The following NCALD variants were observed in gnomAD, a reference collection of about 807,000 sequenced individuals.
NCALD encodes the protein neurocalcin delta.
NCALD carries 10 observed loss-of-function variants against 18.6 expected under a neutral mutation model. The ratio of observed to expected loss-of-function variants is 0.54; its 90% CI spans 0.33 to 0.91. NCALD has a LOEUF of 0.91. Ranked by LOEUF, NCALD falls within the 40% of genes least tolerant of loss-of-function variation. The pLI is 0.03. For missense variants in NCALD, 184 were observed against 247.6 expected (o/e 0.74, Z 1.72); for synonymous variants, 88 against 87.4 (o/e 1.01, Z -0.04).
rs948086568 is a variant in NCALD, at chr8:101,987,480, G to A, written c.-157+32757C>T. Among the ~76,000 whole-genome samples the A allele has an allele frequency of 2.0e-5, 3 of 152,138 alleles. No homozygotes were observed. In the South Asian group the frequency reaches 6.2e-4, roughly 32 times the overall value. On this transcript the variant is annotated intron_variant, in intron 2 of 6. Transcript: ENST00000311028. ...AGCACTGCATCGTGCACGTCTCTGG[G>A]CGGAAAACAATGAACTGGGCCACCT...
At chr8:101,890,969 A>T (rs1302902886) in intron 3 of NCALD, among the ~76,000 whole-genome samples, 1 of 152,252 alleles carries the variant, frequency 6.6e-6, no homozygotes, top group African/African-American at 2.4e-5. Context: ...AACATGGAAT[A>T]TCGATAAACC....
At chr8:101,715,022 A>G (rs1816007355) in intron 2 of NCALD, among the ~76,000 whole-genome samples, 1 of 151,308 alleles carries the variant, frequency 6.6e-6, no homozygotes, top group East Asian at 1.9e-4. Context: ...AAAAAGAACA[A>G]AGCTGGAGGC....
chr8:101,909,983 A>C (rs1184990776), intron 3 of NCALD, among the ~76,000 whole-genome samples: 3 of 152,284 alleles, frequency 2.0e-5, no homozygotes, highest in Admixed American at 6.5e-5. Context: ...CATGGTGCCT[A>C]GAATTTCACC....
At chr8:101,927,212 A>G (rs1586766661) in intron 2 of NCALD, among the ~76,000 whole-genome samples, 2 of 152,272 alleles carry the variant, frequency 1.3e-5, no homozygotes, top group Admixed American at 6.5e-5. Context: ...TTCATTCATT[A>G]TCAGTCATTC....
At chr8:101,695,893 A>C (rs1289029265) in intron 2 of NCALD, among the ~76,000 whole-genome samples, 3 of 152,064 alleles carry the variant, frequency 2.0e-5, no homozygotes, top group African/African-American at 7.2e-5. Context: ...TTGCCCTCTC[A>C]TTCTTTCCCT....
At chr8:101,976,543 A>G (rs1192080320) in intron 2 of NCALD, among the ~76,000 whole-genome samples, 8 of 152,380 alleles carry the variant, frequency 5.3e-5, no homozygotes, top group Non-Finnish European at 1.0e-4. Flanking sequence ...TGATGTATGC[A>G]ATAGCTTAAA....
rs369755585 is a variant in NCALD, at chr8:101,689,185, A to T, written c.*124T>A. 1 of 883,932 alleles carries T rather than the reference A, an allele frequency of 1.1e-6. No individual in the cohort carries two copies. Among genetic ancestry groups the T allele is most frequent in the South Asian group, 1.4e-5 (1 of 70,894 alleles). The allele number at this position is 883,932 out of a possible 1,614,324, so 54.8% of individuals were successfully genotyped here. A position where few individuals can be genotyped will look rare whatever the true frequency, so the allele number is the denominator to read the frequency against. Reference sequence around the variant, plus strand: ...CTGAAGGCGTCACGGAGGAAGGCGCATCAGACCGCACAGGGGACGGCATCA... The same window carrying T: ...CTGAAGGCGTCACGGAGGAAGGCGCTTCAGACCGCACAGGGGACGGCATCA... On this transcript the variant is annotated 3_prime_UTR_variant, in exon 4 of 4. Transcript: ENST00000220931. This position sits in a 1 kb window ranked among gnomAD's most constrained non-coding sequence, Gnocchi z 4.4.
At chr8:102,002,494 C>G (rs1183829887) in intron 2 of NCALD, among the ~76,000 whole-genome samples, 3 of 152,128 alleles carry the variant, frequency 2.0e-5, no homozygotes, top group Non-Finnish European at 2.9e-5. Flanking sequence ...CAAGGATATC[C>G]AGGAATTGAA....
At chr8:102,108,719 G>A (rs1003196410) in intron 1 of NCALD, among the ~76,000 whole-genome samples, 5 of 152,138 alleles carry the variant, frequency 3.3e-5, no homozygotes, top group Admixed American at 2.6e-4. Context: ...CTTGGACAGA[G>A]CAGGTTCACA....
At chr8:102,059,512 C>T (rs900647804) in intron 1 of NCALD, among the ~76,000 whole-genome samples, 1 of 152,172 alleles carries the variant, frequency 6.6e-6, no homozygotes, top group African/African-American at 2.4e-5. Flanking sequence ...GACTGGAATT[C>T]TGAAAGACGT....
At chr8:101,896,699 G>T (rs1817191571) in intron 3 of NCALD, among the ~76,000 whole-genome samples, 1 of 148,880 alleles carries the variant, frequency 6.7e-6, no homozygotes, top group Non-Finnish European at 1.5e-5. Context: ...TCAAAAAGTG[G>T]GTGAAGGACA....
chr8:101,856,952 TA>T (rs113326500), intron 4 of NCALD, among the ~76,000 whole-genome samples: 2,384 of 152,230 alleles, frequency 0.016, 71 homozygotes, highest in African/African-American at 0.052. Context: ...TCAGGTAAAC[TA>T]ATTCCTTCCA....
At chr8:102,067,427 T>A (rs1412556938) in intron 1 of NCALD, among the ~76,000 whole-genome samples, 1 of 148,220 alleles carries the variant, frequency 6.7e-6, no homozygotes, top group Non-Finnish European at 1.5e-5. Context: ...TTTAAAGTGA[T>A]ACAGAATCAG....
At chr8:101,698,803 G>A (rs142969656) in intron 2 of NCALD, among the ~76,000 whole-genome samples, 29 of 152,226 alleles carry the variant, frequency 1.9e-4, no homozygotes, top group African/African-American at 6.7e-4. Flanking sequence ...AGACTTAACT[G>A]TAAAACCCAA....
At chr8:101,941,248 T>C (rs1475340360) in intron 2 of NCALD, among the ~76,000 whole-genome samples, 1 of 152,224 alleles carries the variant, frequency 6.6e-6, no homozygotes, top group African/African-American at 2.4e-5. Context: ...GGGATGAAAC[T>C]GTTCCACCTC....
intron 4 of NCALD, among the ~76,000 whole-genome samples, chr8:101,848,177 G>C (rs977130692): frequency 3.9e-5 from 6 of 151,946 alleles, no homozygotes; most frequent in African/African-American, 1.4e-4. Flanking sequence ...AAAAATTGAG[G>C]TATTCTGGTT....
intron 1 of NCALD, among the ~76,000 whole-genome samples, chr8:102,032,622 TAA>T (rs59283854): frequency 1.0e-4 from 11 of 104,988 alleles, no homozygotes; most frequent in Admixed American, 2.2e-4. Flanking sequence ...GAAAAACTGC[TAA>T]AAAAAAAAAA....
chr8:101,907,965 C>T (rs1336172671), intron 3 of NCALD, among the ~76,000 whole-genome samples: 2 of 152,124 alleles, frequency 1.3e-5, no homozygotes, highest in Non-Finnish European at 2.9e-5. Context: ...GTAGGGCTCC[C>T]CCCATTCTTT....
chr8:101,974,282 AG>A (rs1820343215), intron 2 of NCALD, among the ~76,000 whole-genome samples: 10 of 152,214 alleles, frequency 6.6e-5, no homozygotes, highest in African/African-American at 2.4e-4. Context: ...CATATTTGGA[AG>A]ACTTTTTAAA....
Sources: gnomAD v4.1 joint callset for allele counts (sites outside exome capture counted in the v4.1 genomes callset) on GRCh38, gnomAD v4.1.1 for gene constraint, Gnocchi (gnomAD v3.1) non-coding constraint, MANE v1.5 for transcripts, NCBI Gene and HGNC (gene_info 2026-07-23, HGNC 2026-07-21) for gene names.